The following ATRNL1 variants were observed in gnomAD, a reference collection of about 807,000 sequenced individuals.
ATRNL1 encodes the protein attractin-like protein 1.
Under a neutral mutation model 182.7 loss-of-function variants are expected in ATRNL1, and 95 were observed. The observed-to-expected ratio is 0.52, with a 90% CI of 0.44 to 0.62. ATRNL1 has a LOEUF of 0.62. ATRNL1 is among the 20% of genes least tolerant of loss of function. The pLI, the probability that ATRNL1 is intolerant of heterozygous loss-of-function variation, is 0.00. For synonymous variants in ATRNL1, 576 were observed against 568.3 expected (o/e 1.01, Z -0.19); for missense variants, 1,471 against 1,679.5 (o/e 0.88, Z 2.17).
At chr10:115,214,762 A>G (rs890140366) in intron 8 of ATRNL1, among the ~76,000 whole-genome samples, 3 of 152,142 alleles carry the variant, frequency 2.0e-5, no homozygotes, top group Non-Finnish European at 4.4e-5. Flanking sequence ...TTTCGTATGC[A>G]TTTCTTAAAA....
intron 27 of ATRNL1, among the ~76,000 whole-genome samples, chr10:115,840,990 G>T (rs79351359): frequency 6.6e-6 from 1 of 152,078 alleles, no homozygotes; most frequent in Admixed American, 6.6e-5. Context: ...TAGTGGTTAG[G>T]TTGCTTTTTG....
At chr10:115,864,980 TAAAA>T (rs76771298) in intron 28 of ATRNL1, among the ~76,000 whole-genome samples, 1 of 110,998 alleles carries the variant, frequency 9.0e-6, no homozygotes. Flanking sequence ...AGACTCCGTC[TAAAA>T]AAAAAAAAAA....
chr10:115,427,031 A>G (rs191657888), intron 21 of ATRNL1, among the ~76,000 whole-genome samples: 193 of 152,204 alleles, frequency 1.3e-3, no homozygotes, highest in Non-Finnish European at 2.1e-3. Context: ...CTTATCTTTA[A>G]CTTTTAAAGA....
chr10:115,203,345 A>G (rs368503714), intron 8 of ATRNL1, among the ~76,000 whole-genome samples: 3 of 152,148 alleles, frequency 2.0e-5, no homozygotes, highest in Non-Finnish European at 2.9e-5. Context: ...GAAGACATCT[A>G]CAATGACTTC....
In ATRNL1 at chr10:115,549,517, G is replaced by A; in HGVS notation, c.3776G>A (p.Trp1259Ter). The A allele has an allele frequency of 6.3e-7, 1 of 1,596,994 alleles. No homozygotes were observed. The highest frequency in any genetic ancestry group is 1.7e-5 in the Admixed American group (1 of 58,446). The change falls in exon 26 of 29, where the codon TGG (tryptophan) becomes TAG (stop). Residue 1259 changes from tryptophan (W) to a stop codon, truncating the protein, a stop_gained. Coordinates refer to ENST00000355044, the MANE Select transcript of ATRNL1 (RefSeq NM_207303.4). LOFTEE classifies it high-confidence loss of function. ...GTATGGAAGATCAAACAAACTTGTT[G>A]GGCTTCTCGACGGAGAGAGGTATCA... Reference protein sequence around the residue: ...AVVWKIKQTCWASRRREQLLR... With the variant: ...AVVWKIKQTC
At chr10:115,183,964 G>A (rs1847842212) in intron 8 of ATRNL1, among the ~76,000 whole-genome samples, 1 of 151,380 alleles carries the variant, frequency 6.6e-6, no homozygotes, top group Non-Finnish European at 1.5e-5. Flanking sequence ...TTCTTAATGT[G>A]TGTTGAGTTT....
chr10:115,427,895 C>G (rs1266522896), intron 21 of ATRNL1, among the ~76,000 whole-genome samples: 1 of 150,260 alleles, frequency 6.7e-6, no homozygotes, highest in Non-Finnish European at 1.5e-5. Flanking sequence ...CTTGTTTTGA[C>G]TACTCTTTTT....
At chr10:115,354,943 A>G (rs1357733267) in intron 19 of ATRNL1, among the ~76,000 whole-genome samples, 1 of 151,830 alleles carries the variant, frequency 6.6e-6, no homozygotes, top group Non-Finnish European at 1.5e-5. Flanking sequence ...TTGCTTGATC[A>G]ATTTTGTTTT....
At chr10:115,890,993 CTT>C (rs1555111112) in intron 28 of ATRNL1, among the ~76,000 whole-genome samples, 1 of 152,156 alleles carries the variant, frequency 6.6e-6, no homozygotes. Context: ...CCAAGCAACT[CTT>C]GTTTGGCTGT....
intron 20 of ATRNL1, among the ~76,000 whole-genome samples, chr10:115,400,858 G>T (rs1410619510): frequency 6.6e-6 from 1 of 151,970 alleles, no homozygotes; most frequent in Admixed American, 6.6e-5. Flanking sequence ...TGGGTTTCTT[G>T]AAGACAGCAT....
chr10:115,435,982 C>T lies in ATRNL1; in HGVS notation c.3322+9680C>T, dbSNP rs561924790. Among the ~76,000 whole-genome samples, 20 of 152,134 alleles carry T rather than the reference C, an allele frequency of 1.3e-4. No homozygotes were observed. In the South Asian group the frequency reaches 2.9e-3, roughly 22 times the overall value. ...AGTTATTAATACATAAGTGAATATA[C>T]ATTTATTTTAGCTGTATGAGCAAGC... On this transcript the variant is annotated intron_variant, in intron 21 of 28. Coordinates refer to ENST00000355044, the MANE Select transcript of ATRNL1 (RefSeq NM_207303.4).
intron 12 of ATRNL1, among the ~76,000 whole-genome samples, 199 bp downstream of exon 12, chr10:115,267,204 A>T (rs1554911122): frequency 6.6e-6 from 1 of 150,696 alleles, no homozygotes; most frequent in East Asian, 1.9e-4. Context: ...TTATTTTTGA[A>T]ATCTGTATAT....
intron 28 of ATRNL1, among the ~76,000 whole-genome samples, chr10:115,896,347 G>GGAA (rs1350841368): frequency 1.3e-5 from 2 of 152,098 alleles, no homozygotes; most frequent in Admixed American, 6.6e-5. Flanking sequence ...AGTAATTCCT[G>GGAA]TGCTAATTAA....
At chr10:115,676,065 G>A (rs1945851333) in intron 26 of ATRNL1, among the ~76,000 whole-genome samples, 1 of 151,978 alleles carries the variant, frequency 6.6e-6, no homozygotes, top group African/African-American at 2.4e-5. Flanking sequence ...AGTCGTTTCA[G>A]TGACTATTAA....
At chr10:115,115,832 T>G (rs142975335) in intron 1 of ATRNL1, among the ~76,000 whole-genome samples, 18 of 152,264 alleles carry the variant, frequency 1.2e-4, no homozygotes, top group African/African-American at 3.8e-4. Flanking sequence ...TATATATCCA[T>G]AGTCAGGATA....
chr10:115,152,739 T>G (rs555629814), intron 5 of ATRNL1, among the ~76,000 whole-genome samples: 1 of 152,306 alleles, frequency 6.6e-6, no homozygotes, highest in African/African-American at 2.4e-5. Flanking sequence ...TGGCCAGAAC[T>G]TCCAACACTA....
intron 8 of ATRNL1, among the ~76,000 whole-genome samples, chr10:115,179,294 A>T (rs575634743): frequency 5.3e-5 from 8 of 151,868 alleles, no homozygotes; most frequent in Admixed American, 4.6e-4. Context: ...GTGGTGGTAG[A>T]TCTGATGGTG....
At chr10:115,634,312 T>A (rs909688852) in intron 26 of ATRNL1, among the ~76,000 whole-genome samples, 1 of 152,160 alleles carries the variant, frequency 6.6e-6, no homozygotes, top group Admixed American at 6.5e-5. Flanking sequence ...TTCATTAGTG[T>A]CTATAATGGT....
chr10:115,869,944 T>A (rs1261835883), intron 28 of ATRNL1, among the ~76,000 whole-genome samples: 1 of 151,022 alleles, frequency 6.6e-6, no homozygotes, highest in Non-Finnish European at 1.5e-5. Flanking sequence ...TCTTCTTGGG[T>A]ATTTATGTTG....
Sources: allele counts gnomAD v4.1 joint callset (sites outside exome capture counted in the v4.1 genomes callset), GRCh38; gene constraint gnomAD v4.1.1; transcripts MANE v1.5; gene names NCBI Gene and HGNC (gene_info 2026-07-23, HGNC 2026-07-21).